OPCML: variants seen among roughly 807,000 people sequenced by gnomAD.
OPCML encodes opioid binding protein/cell adhesion molecule like.
A neutral mutation model predicts 37.8 loss-of-function variants in OPCML; 13 were observed. The observed-to-expected ratio is 0.34, with a 90% CI of 0.22 to 0.55. The LOEUF is 0.55. Among genes scored for constraint, OPCML ranks in the 20% least tolerant of loss-of-function variants. The probability of loss-of-function intolerance (pLI) is 0.91; values close to 1 mark genes in which losing one functional copy is unlikely to be tolerated. For synonymous variants in OPCML, 176 were observed against 168.8 expected, an observed-to-expected ratio of 1.04 and a Z score of -0.33; for missense variants, 341 against 435.6, an observed-to-expected ratio of 0.78 and a Z score of 1.93.
chr11:133,417,951 A>C (rs574651459), intron 1 of OPCML, among the ~76,000 whole-genome samples: 2 of 152,184 alleles, frequency 1.3e-5, no homozygotes, highest in South Asian at 2.1e-4. Flanking sequence ...GGAAAAAAAA[A>C]CAGAAAAGCA....
At chr11:132,469,792 G>GTGT (rs2096131319) in intron 4 of OPCML, among the ~76,000 whole-genome samples, 1 of 124,298 alleles carries the variant, frequency 8.0e-6, no homozygotes, top group Non-Finnish European at 1.7e-5. Context: ...GTGTGTGTGT[G>GTGT]GAGGGGTGTG....
At position 133,382,798 on chromosome 11, in the gene OPCML, G is replaced by C. The variant is rs139266881; in HGVS notation, c.61+149466C>G. ...ACTCCACCCAGCCCGACAAAGGAGA[G>C]GCCTCTGAGGGGAGAGGAGGGCATC... On this transcript the variant is annotated intron_variant, in intron 1 of 7. Transcript: ENST00000524381. Among the ~76,000 whole-genome samples, 21 of 152,248 alleles carry C rather than the reference G, an allele frequency of 1.4e-4. No homozygotes were observed. In the East Asian group the frequency reaches 4.1e-3, roughly 29 times the overall value.
intron 1 of OPCML, among the ~76,000 whole-genome samples, chr11:132,953,216 C>T (rs986466754): frequency 6.6e-6 from 1 of 152,132 alleles, no homozygotes; most frequent in Non-Finnish European, 1.5e-5. Context: ...GATTCCTCTG[C>T]TACAGACCAG....
At chr11:133,429,590 AC>A (rs1449771001) in intron 1 of OPCML, among the ~76,000 whole-genome samples, 3 of 152,218 alleles carry the variant, frequency 2.0e-5, no homozygotes, top group Non-Finnish European at 4.4e-5. Flanking sequence ...GATATGATGA[AC>A]AAAGTAGCAG....
rs1408679344 is a variant in OPCML, at chr11:132,996,505, G to A, written c.62-53495C>T. Among the ~76,000 whole-genome samples, 8 of 151,026 alleles carry A rather than the reference G, an allele frequency of 5.3e-5. No homozygotes were observed. In the East Asian group the frequency reaches 5.9e-4, roughly 11 times the overall value. Reference sequence around the variant, plus strand: ...TAGCTGGGCGTAGTCCCAGCTACTCGGAAGCCTGAGACAAAAGAATCGCTT... The same window carrying A: ...TAGCTGGGCGTAGTCCCAGCTACTCAGAAGCCTGAGACAAAAGAATCGCTT... On this transcript the variant is annotated intron_variant, in intron 1 of 7. Coordinates refer to ENST00000524381, the MANE Select transcript of OPCML (RefSeq NM_001012393.5).
chr11:133,006,138 C>CAG, intron 1 of OPCML: 1 of 984,748 alleles, frequency 1.0e-6, no homozygotes, highest in Non-Finnish European at 1.2e-6. Flanking sequence ...GGGAGGAGAT[C>CAG]CCTGGAGAAG....
At chr11:132,833,612 C>T (rs1046561890) in intron 2 of OPCML, among the ~76,000 whole-genome samples, 1 of 152,204 alleles carries the variant, frequency 6.6e-6, no homozygotes, top group African/African-American at 2.4e-5. Flanking sequence ...ATGTGCCTTA[C>T]ATAATTGTAT....
intron 2 of OPCML, among the ~76,000 whole-genome samples, chr11:132,852,982 T>A (rs2136334219): frequency 6.6e-6 from 1 of 152,168 alleles, no homozygotes; most frequent in East Asian, 1.9e-4. Context: ...TTTCTGGTCC[T>A]TACAGAAAAA....
chr11:133,020,066 C>A (rs566680790), intron 1 of OPCML, among the ~76,000 whole-genome samples: 1 of 152,160 alleles, frequency 6.6e-6, no homozygotes, highest in African/African-American at 2.4e-5. Context: ...CGGATGCGGT[C>A]GGAATGAGCT....
chr11:133,000,233 C>T (rs1198096980), intron 1 of OPCML, among the ~76,000 whole-genome samples: 4 of 152,078 alleles, frequency 2.6e-5, no homozygotes, highest in Admixed American at 2.6e-4. Flanking sequence ...CTGCCTCAGC[C>T]TCCCGAGTAG....
At chr11:133,400,839 G>C (rs536066975) in intron 1 of OPCML, among the ~76,000 whole-genome samples, 33 of 152,120 alleles carry the variant, frequency 2.2e-4, no homozygotes, top group Non-Finnish European at 4.3e-4. Flanking sequence ...TAAGGTAGTA[G>C]GTTCCTGAGA....
At chr11:133,308,385 A>C (rs957893377) in intron 1 of OPCML, among the ~76,000 whole-genome samples, 8 of 152,212 alleles carry the variant, frequency 5.3e-5, no homozygotes, top group Non-Finnish European at 1.0e-4. Flanking sequence ...AAATAAAGAA[A>C]GAAATTATAG....
intron 4 of OPCML, among the ~76,000 whole-genome samples, chr11:132,439,689 C>T (rs989297191): frequency 2.8e-5 from 3 of 106,628 alleles, no homozygotes; most frequent in Non-Finnish European, 3.9e-5. Flanking sequence ...ACGTTCCAGA[C>T]ACCTCGCCAT....
intron 2 of OPCML, among the ~76,000 whole-genome samples, chr11:132,747,403 T>C (rs891268446): frequency 6.6e-6 from 1 of 152,142 alleles, no homozygotes; most frequent in African/African-American, 2.4e-5. Context: ...AGGAAACAGA[T>C]GTGAACGAAA....
chr11:133,201,647 T>G (rs1938796649), intron 1 of OPCML, among the ~76,000 whole-genome samples: 2 of 151,994 alleles, frequency 1.3e-5, no homozygotes, highest in Non-Finnish European at 2.9e-5. Context: ...AAAAAGTAAA[T>G]GAAGGAGAGG....
intron 7 of OPCML, among the ~76,000 whole-genome samples, chr11:132,428,988 A>G (rs1312655226): frequency 6.6e-6 from 1 of 152,078 alleles, no homozygotes; most frequent in African/African-American, 2.4e-5. Context: ...TTCCTGGCAT[A>G]CAGTAGGCAC....
At chr11:132,420,431 A>C (rs2136646602) in intron 7 of OPCML, 138 bp from the exon 8 acceptor site, 1 of 1,417,988 alleles carries the variant, frequency 7.1e-7, no homozygotes, top group African/African-American at 1.5e-5. Context: ...CAAAGGAAAA[A>C]GCCCATTGGG....
chr11:132,649,936 C>T (rs1437131875), intron 3 of OPCML, among the ~76,000 whole-genome samples: 1 of 151,196 alleles, frequency 6.6e-6, no homozygotes, highest in Non-Finnish European at 1.5e-5. Flanking sequence ...GTTACACACA[C>T]ACACACACAC....
intron 7 of OPCML, among the ~76,000 whole-genome samples, chr11:132,430,930 C>T (rs549435890): frequency 2.6e-5 from 4 of 152,222 alleles, no homozygotes; most frequent in East Asian, 3.9e-4. Context: ...GGGCTTCTTG[C>T]TCAAGGCCCA....
Sources: gnomAD v4.1 joint callset for allele counts (sites outside exome capture counted in the v4.1 genomes callset) on GRCh38, gnomAD v4.1.1 for gene constraint, MANE v1.5 for transcripts, NCBI Gene and HGNC (gene_info 2026-07-23, HGNC 2026-07-21) for gene names.